TMEM98: variants seen among roughly 807,000 people sequenced by gnomAD.
TMEM98 encodes transmembrane protein 98.
TMEM98 carries 18 observed loss-of-function variants against 25.0 expected under a neutral mutation model. The observed-to-expected ratio is 0.72, with a 90% CI of 0.50 to 1.07. The LOEUF (loss-of-function observed/expected upper bound fraction) is 1.07. Ranked by LOEUF, TMEM98 falls within the 50% of genes least tolerant of loss-of-function variation. The pLI is 0.00. For synonymous variants in TMEM98, 103 were observed against 112.4 expected (o/e 0.92, Z 0.53); for missense variants, 241 against 289.0 (o/e 0.83, Z 1.20).
intron 5 of TMEM98, among the ~76,000 whole-genome samples, chr17:32,935,032 A>G (rs1186019110): frequency 6.6e-6 from 1 of 152,120 alleles, no homozygotes; most frequent in East Asian, 1.9e-4. Context: ...TTACATCAGT[A>G]ACCTGGGTAA....
chr17:32,938,142 G>A (rs2151114050), intron 6 of TMEM98, among the ~76,000 whole-genome samples: 1 of 152,342 alleles, frequency 6.6e-6, no homozygotes, highest in South Asian at 2.1e-4. Context: ...ATCCTAAAGA[G>A]TACCTTGGAC....
chr17:32,928,505 G>C (rs2091445189), intron 1 of TMEM98, among the ~76,000 whole-genome samples: 1 of 151,714 alleles, frequency 6.6e-6, no homozygotes. Context: ...ACGGGGAAGC[G>C]GGTAGGGTCT....
At chr17:32,930,804 A>G (rs945178066) in intron 1 of TMEM98, 1 of 152,254 alleles carries the variant, frequency 6.6e-6, no homozygotes, top group South Asian at 2.1e-4. Context: ...CTCAGTAAAT[A>G]CAGTTTCATC....
intron 1 of TMEM98, among the ~76,000 whole-genome samples, chr17:32,928,568 A>C (rs754030189): frequency 6.6e-6 from 1 of 151,904 alleles, no homozygotes; most frequent in African/African-American, 2.4e-5. Flanking sequence ...GGGGAAAGTA[A>C]GGGAGAGAGA....
intron 1 of TMEM98, among the ~76,000 whole-genome samples, chr17:32,929,033 ACT>A (rs1368526421): frequency 3.3e-5 from 5 of 150,968 alleles, no homozygotes; most frequent in Admixed American, 2.6e-4. Context: ...ACACAAGCAC[ACT>A]CGGAGAAACA....
At chr17:32,939,624 G>C in intron 7 of TMEM98, 88 bp downstream of exon 7, 1 of 1,545,902 alleles carries the variant, frequency 6.5e-7, no homozygotes, top group Non-Finnish European at 8.9e-7. Context: ...TGACTGGCTT[G>C]TGTAGGGAGG....
intron 6 of TMEM98, among the ~76,000 whole-genome samples, chr17:32,938,046 G>A (rs990751757): frequency 4.7e-4 from 72 of 152,314 alleles, no homozygotes; most frequent in African/African-American, 1.7e-3. Context: ...TTCTGTGTGA[G>A]CCTGGGTGAG....
At chr17:32,930,099 C>T (rs955258956) in intron 1 of TMEM98, among the ~76,000 whole-genome samples, 1 of 151,494 alleles carries the variant, frequency 6.6e-6, no homozygotes, top group Non-Finnish European at 1.5e-5. Flanking sequence ...GGAAAAGCAC[C>T]CTCCTGGTAT....
intron 7 of TMEM98, among the ~76,000 whole-genome samples, chr17:32,940,229 A>C (rs1345392168): frequency 1.3e-5 from 2 of 152,216 alleles, no homozygotes; most frequent in African/African-American, 4.8e-5. Flanking sequence ...GGTACTAACC[A>C]TATAAAAGGT....
At chr17:32,931,296 A>T in intron 1 of TMEM98, 31 bp from the exon 2 acceptor site, 2 of 445,250 alleles carry the variant, frequency 4.5e-6, no homozygotes, top group Non-Finnish European at 7.8e-6. Context: ...AATTTGGGGC[A>T]TGGCATAAAT....
At position 32,931,359 on chromosome 17, in the gene TMEM98, C is replaced by A; in HGVS notation, c.-98C>A. The A allele has an allele frequency of 1.2e-6, 1 of 819,640 alleles. No homozygotes were observed. The highest frequency in any genetic ancestry group is 1.8e-6 in the Non-Finnish European group (1 of 540,588). The allele number at this position is 819,640 out of a possible 1,614,324, so 50.8% of individuals were successfully genotyped here. On this transcript the variant is annotated 5_prime_UTR_variant, in exon 2 of 8. Coordinates refer to ENST00000579849, the MANE Select transcript of TMEM98 (RefSeq NM_015544.3). ...GGTCTCTGCAGGTGTCGTGGAGGAA[C>A]CTAGCACCTGCCATCCTCTTCCCCA...
At chr17:32,929,146 A>AAACACTCAGAAACATAGCT (rs1410522247) in intron 1 of TMEM98, among the ~76,000 whole-genome samples, 1 of 151,970 alleles carries the variant, frequency 6.6e-6, no homozygotes, top group Non-Finnish European at 1.5e-5. Flanking sequence ...CACATTCAGA[A>AAACACTCAGAAACATAGCT]AACACTCAGA....
intron 6 of TMEM98, among the ~76,000 whole-genome samples, chr17:32,938,444 T>C (rs2091509531): frequency 6.6e-6 from 1 of 152,164 alleles, no homozygotes; most frequent in Admixed American, 6.5e-5. Flanking sequence ...TCAAGTGCTT[T>C]TAGAAATCAA....
chr17:32,930,167 GA>G (rs1324376901), intron 1 of TMEM98, among the ~76,000 whole-genome samples: 4 of 152,066 alleles, frequency 2.6e-5, no homozygotes, highest in African/African-American at 4.8e-5. Flanking sequence ...AAAGCCCAGA[GA>G]GGGGAGAATG....
Position 32,931,616 on chromosome 17 carries a change from C to T in TMEM98, c.88C>T (p.Arg30Cys), listed in dbSNP as rs1223065236. The change falls in exon 3 of 8, where the codon CGC (arginine) becomes TGC (cysteine). Residue 30 changes from arginine to cysteine, a missense_variant. Transcript: ENST00000579849. The stretch of plus-strand genomic sequence containing the variant: ...AGCCTTGGTGCTGGTTTGCAGGCAG[C>T]GCTACTGCCGGCCGCGAGACCTGCT... ...FAALVLVCRQ[R>C]YCRPRDLLQR... is the part of the protein sequence containing the mutation. 2.5e-6 allele frequency: 4 copies of T among 1,603,696 alleles called. No homozygotes were observed. Among genetic ancestry groups the T allele is most frequent in the South Asian group, 1.1e-5 (1 of 88,522 alleles).
chr17:32,939,446 G>A (rs1396152736), intron 6 of TMEM98, 31 bp from the exon 7 acceptor site: 1 of 1,603,676 alleles, frequency 6.2e-7, no homozygotes, highest in Non-Finnish European at 8.5e-7. Flanking sequence ...TCAGGAAAGT[G>A]AAGTACTGAA....
intron 6 of TMEM98, among the ~76,000 whole-genome samples, chr17:32,938,833 A>T (rs2091511724): frequency 6.6e-6 from 1 of 152,188 alleles, no homozygotes; most frequent in Non-Finnish European, 1.5e-5. Flanking sequence ...GCTTTTGTTT[A>T]TCTATTTTTA....
rs1476219660 is a variant in TMEM98, at chr17:32,941,461, C to T, written c.*468C>T. On this transcript the variant is annotated 3_prime_UTR_variant, in exon 8 of 8. Transcript: ENST00000579849. ...TTTTGGCAAGACTTGTACTCTCTCA[C>T]CTGGCCTGTTTCATTTATTTGTATT... The T allele has an allele frequency of 6.5e-6, 1 of 153,474 alleles. No individual in the cohort carries two copies. The highest frequency in any genetic ancestry group is 1.5e-5 in the Non-Finnish European group (1 of 68,922). The allele number at this position is 153,474 out of a possible 1,614,324, so 9.5% of individuals were successfully genotyped here.
intron 7 of TMEM98, among the ~76,000 whole-genome samples, chr17:32,940,281 A>G (rs934690816): frequency 6.6e-6 from 1 of 151,328 alleles, no homozygotes. Context: ...TCTACTCCTC[A>G]CTTTGGTTTT....
Sources: allele counts gnomAD v4.1 joint callset (sites outside exome capture counted in the v4.1 genomes callset), GRCh38; gene constraint gnomAD v4.1.1; transcripts MANE v1.5; gene names NCBI Gene and HGNC (gene_info 2026-07-23, HGNC 2026-07-21).